EXO1: variants seen among roughly 807,000 people sequenced by gnomAD.
The protein encoded by EXO1 is exonuclease 1.
Under a neutral mutation model 84.5 loss-of-function variants are expected in EXO1, and 69 were observed. That is an observed-to-expected ratio of 0.82 (90% CI 0.67 to 1.00). The LOEUF (loss-of-function observed/expected upper bound fraction) is 1.00. Ranked by LOEUF, EXO1 falls within the 50% of genes least tolerant of loss-of-function variation. The probability of loss-of-function intolerance (pLI) is 0.00; values close to 1 mark genes in which losing one functional copy is unlikely to be tolerated. For missense variants in EXO1, 1,045 were observed against 1,000.7 expected (o/e 1.04, Z -0.60); for synonymous variants, 373 against 366.1 (o/e 1.02, Z -0.21).
At chr1:241,880,563 C>T (rs1212710036) in intron 13 of EXO1, among the ~76,000 whole-genome samples, 3 of 152,188 alleles carry the variant, frequency 2.0e-5, no homozygotes, top group Non-Finnish European at 2.9e-5. Flanking sequence ...TGAAAATAAA[C>T]GAACTGAACA....
At chr1:241,855,857 C>CGGCCGGCTGCACA (rs1660992315) in intron 6 of EXO1, among the ~76,000 whole-genome samples, 1 of 152,244 alleles carries the variant, frequency 6.6e-6, no homozygotes, top group Admixed American at 6.5e-5. Context: ...CCGACAGGGC[C>CGGCCGGCTGCACA]GGCCGGCTGC....
chr1:241,876,474 CG>C (rs1558141070), intron 12 of EXO1, among the ~76,000 whole-genome samples: 2 of 151,338 alleles, frequency 1.3e-5, no homozygotes, highest in African/African-American at 4.9e-5. Flanking sequence ...CCCAGCTTCT[CG>C]GGGGGCCGAG....
chr1:241,885,231 A>AATAAATAG, intron 14 of EXO1, 83 bp from the exon 15 acceptor site: 1 of 777,864 alleles, frequency 1.3e-6, no homozygotes, highest in African/African-American at 1.8e-5. Context: ...TAAATAAATA[A>AATAAATAG]ATAAGTAAAG....
At chr1:241,851,359 C>A (rs1275107038) in intron 4 of EXO1, among the ~76,000 whole-genome samples, 1 of 152,186 alleles carries the variant, frequency 6.6e-6, no homozygotes, top group Non-Finnish European at 1.5e-5. Flanking sequence ...TGTCACTGAT[C>A]TACAACACAT....
Position 241,860,705 on chromosome 1 carries a change from G to GTATCCTT in EXO1, c.944+3_944+9dup. ...CTGAAACACTAAGCTACGCTGGGCA[G>GTATCCTT]TATCCTTTCTGAAACAGAATGGTAG... On this transcript the variant is annotated splice_donor_variant, in intron 9 of 15. Transcript: ENST00000366548. LOFTEE classifies it high-confidence loss of function. 6.2e-7 allele frequency: 1 copy of GTATCCTT among 1,610,256 alleles called. No individual in the cohort carries two copies. Among genetic ancestry groups the GTATCCTT allele is most frequent in the Non-Finnish European group, 8.5e-7 (1 of 1,176,542 alleles).
intron 12 of EXO1, among the ~76,000 whole-genome samples, chr1:241,873,210 G>A (rs1662211017): frequency 6.6e-6 from 1 of 152,042 alleles, no homozygotes; most frequent in Admixed American, 6.6e-5. Context: ...ATCTCCTAAT[G>A]CTATCCCTCC....
intron 10 of EXO1, among the ~76,000 whole-genome samples, chr1:241,865,808 A>G (rs941565558): frequency 1.3e-5 from 2 of 152,228 alleles, no homozygotes; most frequent in African/African-American, 4.8e-5. Context: ...ATCTAATGCC[A>G]TGAGCCATAC....
At chr1:241,867,207 C>T (rs1408617618) in intron 11 of EXO1, 152 bp downstream of exon 11, 3 of 707,584 alleles carry the variant, frequency 4.2e-6, no homozygotes, top group South Asian at 1.5e-5. Flanking sequence ...TAAACACATA[C>T]CTGAGACTGG....
chr1:241,857,437 C>A lies in EXO1; in HGVS notation c.498C>A (p.Ala166=), dbSNP rs1178624437. 1 of 1,613,782 alleles carries A rather than the reference C, an allele frequency of 6.2e-7. No homozygotes were observed. The highest frequency in any genetic ancestry group is 8.5e-7 in the Non-Finnish European group (1 of 1,179,966). ...AYLNKAGIVQ[A]IITEDSDLLA... The stretch of plus-strand genomic sequence containing the variant: ...TTAACAAAGCGGGAATTGTGCAAGC[C>A]ATAATTACAGAGGACTCGGATCTCC... The change falls in exon 7 of 16, where the codon GCC becomes GCA. Residue 166 remains alanine (A), a synonymous_variant. Transcript: ENST00000366548.
chr1:241,861,178 T>C (rs1661361575), intron 9 of EXO1, among the ~76,000 whole-genome samples: 1 of 152,126 alleles, frequency 6.6e-6, no homozygotes, highest in Non-Finnish European at 1.5e-5. Flanking sequence ...AGGCAGGGAG[T>C]CAGTGATGGC....
At chr1:241,872,427 CAT>C in intron 12 of EXO1, 149 bp downstream of exon 12, 1 of 795,198 alleles carries the variant, frequency 1.3e-6, no homozygotes, top group South Asian at 1.5e-5. Flanking sequence ...CATGGGTATA[CAT>C]GTGCCATGGT....
chr1:241,874,399 A>G (rs1238766911), intron 12 of EXO1, among the ~76,000 whole-genome samples: 1 of 152,172 alleles, frequency 6.6e-6, no homozygotes, highest in Admixed American at 6.5e-5. Flanking sequence ...CGCCTCCAGG[A>G]AAAATAGAAA....
chr1:241,883,134 A>C (rs1159858545), intron 14 of EXO1, among the ~76,000 whole-genome samples: 1 of 152,198 alleles, frequency 6.6e-6, no homozygotes, highest in Non-Finnish European at 1.5e-5. Flanking sequence ...TTCTACCATG[A>C]GCATATATTA....
At chr1:241,867,615 GC>G (rs1661826004) in intron 11 of EXO1, among the ~76,000 whole-genome samples, 1 of 151,586 alleles carries the variant, frequency 6.6e-6, no homozygotes, top group Non-Finnish European at 1.5e-5. Flanking sequence ...AAGGATTATG[GC>G]TTTTTTTTTT....
intron 10 of EXO1, among the ~76,000 whole-genome samples, chr1:241,862,034 GT>G (rs1418668640): frequency 6.6e-6 from 1 of 152,130 alleles, no homozygotes; most frequent in Admixed American, 6.5e-5. Context: ...CGCCTCCCAG[GT>G]TCGAGCAATT....
chr1:241,867,177 G>A (rs1219277017), intron 11 of EXO1, 122 bp downstream of exon 11: 5 of 771,122 alleles, frequency 6.5e-6, no homozygotes, highest in Admixed American at 2.0e-5. Context: ...AGTTGTATTA[G>A]TCCATTTTCA....
intron 13 of EXO1, 29 bp downstream of exon 13, chr1:241,879,372 C>A: frequency 1.5e-6 from 2 of 1,376,402 alleles, no homozygotes. Context: ...GCTTTGTTTT[C>A]AAATTTATAT....
At chr1:241,867,106 G>T in intron 11 of EXO1, 51 bp downstream of exon 11, 1 of 1,341,312 alleles carries the variant, frequency 7.5e-7, no homozygotes, top group South Asian at 1.2e-5. Flanking sequence ...CATATTTAAA[G>T]AAATCATTGC....
In EXO1 at chr1:241,883,427, A is replaced by G. The variant is rs1441762139; in HGVS notation, c.2211+1410A>G. On this transcript the variant is annotated intron_variant, in intron 14 of 15. Coordinates refer to ENST00000366548, the MANE Select transcript of EXO1 (RefSeq NM_130398.4). ...TGTCCTTACATGGTAGAGGGAGAGA[A>G]TATCTCTTTTGTACCTCTTCTTAAG... Among the ~76,000 whole-genome samples the G allele has an allele frequency of 2.6e-5, 4 of 152,158 alleles. No homozygotes were observed. In the South Asian group the frequency reaches 8.3e-4, roughly 32 times the overall value.
Sources: allele counts gnomAD v4.1 joint callset (sites outside exome capture counted in the v4.1 genomes callset), GRCh38; gene constraint gnomAD v4.1.1; transcripts MANE v1.5; gene names NCBI Gene and HGNC (gene_info 2026-07-23, HGNC 2026-07-21).